SCNN1B: variants seen among roughly 807,000 people sequenced by gnomAD.
The protein encoded by SCNN1B is sodium channel epithelial 1 subunit beta, also known as epithelial sodium channel subunit beta.
SCNN1B carries 46 observed loss-of-function variants against 65.3 expected under a neutral mutation model. That is an observed-to-expected ratio of 0.70 (90% CI 0.56 to 0.90). The LOEUF (loss-of-function observed/expected upper bound fraction) is 0.90. Ranked by LOEUF, SCNN1B falls within the 40% of genes least tolerant of loss-of-function variation. The probability of loss-of-function intolerance (pLI) is 0.00; values close to 1 mark genes in which losing one functional copy is unlikely to be tolerated. For synonymous variants in SCNN1B, 349 were observed against 330.6 expected (o/e 1.06, Z -0.60); for missense variants, 751 against 830.5 (o/e 0.90, Z 1.18).
At chr16:23,333,153 G>GGAAT (rs111557087) in intron 1 of SCNN1B, among the ~76,000 whole-genome samples, 22 of 67,590 alleles carry the variant, frequency 3.3e-4, no homozygotes, top group African/African-American at 1.5e-3. Context: ...AAGGAAAGAA[G>GGAAT]GAAGGAAGGA....
In SCNN1B at chr16:23,319,048, T is replaced by G. The variant is rs1236554821; in HGVS notation, c.-9+16611T>G. On this transcript the variant is annotated intron_variant, in intron 1 of 12. Transcript: ENST00000343070. Reference sequence around the variant, plus strand: ...TTTTGGGGGTTTTGTTTGTTTTGTTTTTTTTTTTTTTGAGACAGAGCCTCA... The same window carrying G: ...TTTTGGGGGTTTTGTTTGTTTTGTTGTTTTTTTTTTTGAGACAGAGCCTCA... Among the ~76,000 whole-genome samples, 4 of 129,534 alleles carry G rather than the reference T, an allele frequency of 3.1e-5. No individual in the cohort carries two copies. In the South Asian group the frequency reaches 7.8e-4, roughly 25 times the overall value. 85.0% of individuals were successfully genotyped at this position (129,534 alleles called of 152,430 possible). A position where few individuals can be genotyped will look rare whatever the true frequency, so the allele number is the denominator to read the frequency against.
intron 1 of SCNN1B, among the ~76,000 whole-genome samples, chr16:23,315,424 A>G (rs1961433286): frequency 6.6e-6 from 1 of 152,188 alleles, no homozygotes; most frequent in Non-Finnish European, 1.5e-5. Context: ...TGTTTATTTA[A>G]TAAACTGCGA....
At position 23,367,855 on chromosome 16, in the gene SCNN1B, G is replaced by A; in HGVS notation, c.777-1G>A. On this transcript the variant is annotated splice_acceptor_variant, in intron 4 of 12. Coordinates refer to ENST00000343070, the MANE Select transcript of SCNN1B (RefSeq NM_000336.3). LOFTEE classifies it high-confidence loss of function. ...CCTGCAGCTGATGCTGTTTCTTTTAGGAACTTCACGTCCATCTTCTACCCT... is the reference window on the plus strand; with the variant it reads ...CCTGCAGCTGATGCTGTTTCTTTTAAGAACTTCACGTCCATCTTCTACCCT... 1 of 1,612,540 alleles carries A rather than the reference G, an allele frequency of 6.2e-7. No homozygotes were observed. Among genetic ancestry groups the A allele is most frequent in the Middle Eastern group, 1.7e-4 (1 of 6,058 alleles).
intron 1 of SCNN1B, among the ~76,000 whole-genome samples, chr16:23,331,802 C>A (rs898977813): frequency 3.9e-5 from 6 of 152,142 alleles, no homozygotes; most frequent in Non-Finnish European, 8.8e-5. Flanking sequence ...AGCATCTATT[C>A]CAGGTCTGAG....
intron 1 of SCNN1B, among the ~76,000 whole-genome samples, chr16:23,331,517 G>A (rs4967953): frequency 0.2 from 30,003 of 151,542 alleles, 3,308 homozygotes; most frequent in Middle Eastern, 0.3. Flanking sequence ...TAGTAGATCC[G>A]CCATGTTGGC....
chr16:23,352,840 G>A lies in SCNN1B; in HGVS notation c.351G>A (p.Glu117=), dbSNP rs774578863. The change falls in exon 3 of 13, where the codon GAG becomes GAA. Residue 117 remains glutamate, a synonymous_variant. Transcript: ENST00000343070. ...AGCATTTGCTGAAGGACCTGGATGA[G>A]CTGATGGAAGCTGTCCTGGAGAGAA... ...KIKHLLKDLD[E]LMEAVLERIL... 1.3e-5 allele frequency: 21 copies of A among 1,614,198 alleles called. No individual in the cohort carries two copies. The highest frequency in any genetic ancestry group is 1.8e-5 in the Non-Finnish European group (21 of 1,180,046).
At chr16:23,306,404 T>G (rs529837762) in intron 1 of SCNN1B, among the ~76,000 whole-genome samples, 1 of 152,170 alleles carries the variant, frequency 6.6e-6, no homozygotes, top group Non-Finnish European at 1.5e-5. Context: ...AGTGCCTGAC[T>G]CAAGTAAACA....
chr16:23,319,084 A>T (rs1189400417), intron 1 of SCNN1B, among the ~76,000 whole-genome samples: 5 of 149,824 alleles, frequency 3.3e-5, no homozygotes, highest in Non-Finnish European at 7.4e-5. Context: ...CTCTGTGCCC[A>T]GGCTGGAGTG....
At chr16:23,324,414 G>C (rs1396012193) in intron 1 of SCNN1B, among the ~76,000 whole-genome samples, 1 of 151,882 alleles carries the variant, frequency 6.6e-6, no homozygotes, top group Non-Finnish European at 1.5e-5. Context: ...TATTGCCCAG[G>C]CTGGTCTGGA....
At chr16:23,344,263 G>C (rs1309355387) in intron 1 of SCNN1B, among the ~76,000 whole-genome samples, 1 of 152,224 alleles carries the variant, frequency 6.6e-6, no homozygotes, top group Non-Finnish European at 1.5e-5. Context: ...GCCTGAGCCT[G>C]AGGCCTCATT....
intron 1 of SCNN1B, among the ~76,000 whole-genome samples, chr16:23,335,529 C>T (rs1224054855): frequency 6.6e-6 from 1 of 151,246 alleles, no homozygotes; most frequent in Non-Finnish European, 1.5e-5. Context: ...CTCACTGCAA[C>T]CTCCGCATCC....
rs182164740 is a variant in SCNN1B, at chr16:23,377,675, T to C, written c.1404+289T>C. Among the ~76,000 whole-genome samples, 537 of 83,644 alleles carry C rather than the reference T, an allele frequency of 6.4e-3. 3 individuals carry two copies. The highest frequency in any genetic ancestry group is 0.01 in the Non-Finnish European group (401 of 39,708). The allele number at this position is 83,644 out of a possible 152,430, so 54.9% of individuals were successfully genotyped here. On this transcript the variant is annotated intron_variant, in intron 10 of 12. Transcript: ENST00000343070. ...TCCCTTCTTCTTTCCTTCCTTCCTT[T>C]CTCCCTCCCTTCTCATTTCCTTCCT...
At chr16:23,351,834 T>C (rs1342391711) in intron 2 of SCNN1B, among the ~76,000 whole-genome samples, 1 of 152,192 alleles carries the variant, frequency 6.6e-6, no homozygotes, top group African/African-American at 2.4e-5. Flanking sequence ...ATTCATTTTC[T>C]CTCTCTTGAA....
rs181575797 is a variant in SCNN1B at position 23,361,481 on chromosome 16, A to G, written c.776+5992A>G. On this transcript the variant is annotated intron_variant, in intron 4 of 12. Transcript: ENST00000343070. The stretch of plus-strand genomic sequence containing the variant: ...ACCCCTCCTAGAGAGAAGAATATAT[A>G]TTATTTGGAATTCTTCTGTAAAGGA... Among the ~76,000 whole-genome samples the G allele has an allele frequency of 9.5e-4, 145 of 152,308 alleles. 2 individuals are homozygous for G. In the Middle Eastern group the frequency reaches 0.014, roughly 14 times the overall value.
intron 3 of SCNN1B, among the ~76,000 whole-genome samples, chr16:23,354,755 G>A (rs1488774775): frequency 6.6e-6 from 1 of 152,204 alleles, no homozygotes; most frequent in Non-Finnish European, 1.5e-5. Context: ...GGCCACTTGT[G>A]TGAATCTATG....
rs1001618156 is a variant in SCNN1B, at chr16:23,348,982, A to ACCTTT, written c.311+82_311+86dup. Reference sequence around the variant, plus strand: ...CTCTTTCTCTCTTTTCTTCCCTTCTACCTTTCCTTTCCTTCCTTTCCTTCC... The same window carrying ACCTTT: ...CTCTTTCTCTCTTTTCTTCCCTTCTACCTTTCCTTTCCTTTCCTTCCTTTCCTTCC... On this transcript the variant is annotated intron_variant, in intron 2 of 12. Transcript: ENST00000343070. The surrounding 1 kb of genome is among the most constrained non-coding windows in gnomAD (Gnocchi z 4.5). 22 of 1,282,654 alleles carry ACCTTT rather than the reference A, an allele frequency of 1.7e-5. No homozygotes were observed. The African/African-American group carries it at 2.7e-4, about 16-fold the overall frequency. The allele number at this position is 1,282,654 out of a possible 1,614,324, so 79.5% of individuals were successfully genotyped here. A position where few individuals can be genotyped will look rare whatever the true frequency, so the allele number is the denominator to read the frequency against.
At chr16:23,312,809 G>A (rs1567293070) in intron 1 of SCNN1B, among the ~76,000 whole-genome samples, 1 of 152,086 alleles carries the variant, frequency 6.6e-6, no homozygotes, top group Non-Finnish European at 1.5e-5. Context: ...ATAGAGAGTG[G>A]CGCCATCCTG....
intron 5 of SCNN1B, among the ~76,000 whole-genome samples, chr16:23,368,428 G>A (rs759041472): frequency 6.6e-6 from 1 of 152,082 alleles, no homozygotes; most frequent in African/African-American, 2.4e-5. Flanking sequence ...TGTAGTCCCA[G>A]CTACTCAGGA....
chr16:23,324,767 C>T (rs1961657957), intron 1 of SCNN1B, among the ~76,000 whole-genome samples: 1 of 152,200 alleles, frequency 6.6e-6, no homozygotes, highest in Admixed American at 6.5e-5. Context: ...TTGCCTCCAG[C>T]ATTGGCAGGG....
Sources: gnomAD v4.1 joint callset for allele counts (sites outside exome capture counted in the v4.1 genomes callset) on GRCh38, gnomAD v4.1.1 for gene constraint, Gnocchi (gnomAD v3.1) non-coding constraint, MANE v1.5 for transcripts, NCBI Gene and HGNC (gene_info 2026-07-23, HGNC 2026-07-21) for gene names.